Variants in TSHZ3 observed in about 807,000 individuals in gnomAD.
TSHZ3 encodes the protein teashirt zinc finger homeobox 3.
TSHZ3 carries 10 observed loss-of-function variants against 64.5 expected under a neutral mutation model. The observed-to-expected ratio is 0.16, with a 90% CI of 0.10 to 0.26. The LOEUF is 0.26. Ranked by LOEUF, TSHZ3 falls within the 10% of genes least tolerant of loss-of-function variation. The pLI is 1.00. For missense variants in TSHZ3, 1,242 were observed against 1,421.7 expected, an observed-to-expected ratio of 0.87 and a Z score of 2.03; for synonymous variants, 608 against 593.1, an observed-to-expected ratio of 1.03 and a Z score of -0.36.
At chr19:31,188,885 G>C (rs1404595717) in intron 5 of TSHZ3, among the ~76,000 whole-genome samples, 1 of 151,894 alleles carries the variant, frequency 6.6e-6, no homozygotes. Context: ...AAATTTGATA[G>C]AATTCAAAAG....
At chr19:31,256,046 G>A (rs1310605390) in intron 1 of TSHZ3, among the ~76,000 whole-genome samples, 1 of 152,144 alleles carries the variant, frequency 6.6e-6, no homozygotes, top group Non-Finnish European at 1.5e-5. Context: ...CCAAAACTGA[G>A]TGCATGGTCA....
At chr19:31,262,428 C>G (rs1310092357) in intron 1 of TSHZ3, among the ~76,000 whole-genome samples, 1 of 152,122 alleles carries the variant, frequency 6.6e-6, no homozygotes, top group Admixed American at 6.5e-5. Context: ...AGAGCTCCCC[C>G]CTCCCACTCC....
At position 31,279,186 on chromosome 19, in the gene TSHZ3, G is replaced by C; in HGVS notation, c.607C>G (p.Leu203Val). 1.9e-6 allele frequency: 3 copies of C among 1,613,870 alleles called. No homozygotes were observed. Among genetic ancestry groups the C allele is most frequent in the Non-Finnish European group, 2.5e-6 (3 of 1,179,774 alleles). Residue 203 changes from leucine to valine, a missense_variant, in exon 2 of 2, where the codon CTC (leucine) becomes GTC (valine). By Grantham distance (32) the Leu-to-Val change is conservative. Transcript: ENST00000240587. The surrounding 1 kb of genome is among the most constrained non-coding windows in gnomAD (Gnocchi z 6.4). ...TVQLYRQSSK[L>V]YGSIFTGASK... Reference sequence around the variant, plus strand: ...GCCCCCGTGAAGATGGAGCCATAGAGCTTGCTGCTCTGCCGGTACAGCTGC... The same window carrying C: ...GCCCCCGTGAAGATGGAGCCATAGACCTTGCTGCTCTGCCGGTACAGCTGC...
intron 1 of TSHZ3, among the ~76,000 whole-genome samples, chr19:31,250,049 C>CG (rs930570610): frequency 6.6e-6 from 1 of 152,230 alleles, no homozygotes; most frequent in Non-Finnish European, 1.5e-5. Flanking sequence ...CCAGGCTGCA[C>CG]GCGCCAGGCA....
chr19:31,273,566 T>C (rs1468298373), downstream of TSHZ3, among the ~76,000 whole-genome samples: 3 of 152,196 alleles, frequency 2.0e-5, no homozygotes, highest in Non-Finnish European at 4.4e-5. Context: ...GTCAGTTTAA[T>C]CTGTTAGATG....
intron 1 of TSHZ3, among the ~76,000 whole-genome samples, chr19:31,322,099 T>C (rs1387648541): frequency 1.3e-5 from 2 of 152,202 alleles, no homozygotes; most frequent in African/African-American, 4.8e-5. Flanking sequence ...TCTGTTCTTG[T>C]GTTAGTTTGC....
intron 1 of TSHZ3, among the ~76,000 whole-genome samples, chr19:31,250,023 C>A (rs928664909): frequency 1.3e-5 from 2 of 152,188 alleles, no homozygotes; most frequent in African/African-American, 4.8e-5. Context: ...CTGAGCTGTT[C>A]CTGGTGCAAG....
At chr19:31,257,822 G>T (rs979457157) in intron 1 of TSHZ3, among the ~76,000 whole-genome samples, 2 of 152,214 alleles carry the variant, frequency 1.3e-5, no homozygotes, top group African/African-American at 4.8e-5. Flanking sequence ...GAGTCTGAGA[G>T]TTCTAAGTTG....
intron 5 of TSHZ3, among the ~76,000 whole-genome samples, chr19:31,203,796 T>TCCCTCTCTCCCTTCCTTTCTTTCTTCTC (rs1975121993): frequency 6.6e-6 from 1 of 151,962 alleles, no homozygotes; most frequent in East Asian, 1.9e-4. Context: ...CCTTTCTTCT[T>TCCCTCTCTCCCTTCCTTTCTTTCTTCTC]CCCTCTCTCC....
chr19:31,217,787 C>T (rs1055437719), intron 4 of TSHZ3, among the ~76,000 whole-genome samples: 1 of 152,220 alleles, frequency 6.6e-6, no homozygotes, highest in Non-Finnish European at 1.5e-5. Flanking sequence ...TGTCACTGCC[C>T]TGAAACTCCT....
intron 5 of TSHZ3, among the ~76,000 whole-genome samples, chr19:31,195,371 G>A (rs1458375102): frequency 6.6e-6 from 1 of 152,054 alleles, no homozygotes; most frequent in East Asian, 1.9e-4. Flanking sequence ...CTTACCTATA[G>A]AGAAGCAAAA....
chr19:31,322,643 C>T (rs1201624406), intron 1 of TSHZ3, among the ~76,000 whole-genome samples: 1 of 151,556 alleles, frequency 6.6e-6, no homozygotes, highest in Non-Finnish European at 1.5e-5. Flanking sequence ...TGGTCTCGAA[C>T]TGCTAGCCTC....
Position 31,279,162 on chromosome 19 carries a change from C to A in TSHZ3, c.631G>T (p.Ala211Ser). Residue 211 changes from alanine to serine, a missense_variant, in exon 2 of 2, where the codon GCC (alanine) becomes TCC (serine). By Grantham distance (99) the Ala-to-Ser change is moderately conservative. Around this residue, in one of 4 missense-constraint regions of TSHZ3, gnomAD observed 555 missense variants for 704.0 expected, o/e 0.79. Transcript: ENST00000240587. This position sits in a 1 kb window ranked among gnomAD's most constrained non-coding sequence, Gnocchi z 6.4. ...CAGTCCTTACAGCGGAACTTGCTGG[C>A]CCCCGTGAAGATGGAGCCATAGAGC... Reference protein sequence around the residue: ...SKLYGSIFTGASKFRCKDCSA... With the variant: ...SKLYGSIFTGSSKFRCKDCSA... The A allele has an allele frequency of 6.2e-7, 1 of 1,612,820 alleles. No individual in the cohort carries two copies. Among genetic ancestry groups the A allele is most frequent in the South Asian group, 1.1e-5 (1 of 91,054 alleles).
chr19:31,234,935 A>G (rs1207700326), intron 3 of TSHZ3, among the ~76,000 whole-genome samples: 1 of 152,146 alleles, frequency 6.6e-6, no homozygotes, highest in Non-Finnish European at 1.5e-5. Flanking sequence ...TATTGATGTT[A>G]TTTCTTTTGT....
chr19:31,298,612 G>T (rs921504131), intron 1 of TSHZ3, among the ~76,000 whole-genome samples: 5 of 152,120 alleles, frequency 3.3e-5, no homozygotes, highest in African/African-American at 1.2e-4. Flanking sequence ...GGCCCATTTT[G>T]TGGGGCCTTG....
chr19:31,214,610 T>G (rs1975301851), intron 4 of TSHZ3, among the ~76,000 whole-genome samples: 1 of 152,146 alleles, frequency 6.6e-6, no homozygotes, highest in Admixed American at 6.5e-5. Context: ...AAGACCTATT[T>G]CCTAAAGAAT....
chr19:31,241,237 G>C (rs970991054), intron 3 of TSHZ3, among the ~76,000 whole-genome samples: 1 of 152,136 alleles, frequency 6.6e-6, no homozygotes, highest in African/African-American at 2.4e-5. Context: ...TAAATGGAAA[G>C]TCCAAGGTAT....
chr19:31,341,912 C>G (rs982094751), intron 1 of TSHZ3, among the ~76,000 whole-genome samples: 4 of 152,164 alleles, frequency 2.6e-5, no homozygotes. Flanking sequence ...GCTTGGAGAT[C>G]CCTCCAAACC....
intron 5 of TSHZ3, among the ~76,000 whole-genome samples, chr19:31,179,752 G>GTGGGGGTGATGATAA (rs1974676780): frequency 6.6e-6 from 1 of 151,080 alleles, no homozygotes; most frequent in Non-Finnish European, 1.5e-5. Flanking sequence ...GGTGGTGATG[G>GTGGGGGTGATGATAA]TGGTGGTGAT....
Sources: allele counts gnomAD v4.1 joint callset (sites outside exome capture counted in the v4.1 genomes callset), GRCh38; gene constraint gnomAD v4.1.1; regional missense constraint gnomAD v4.1.1; non-coding constraint Gnocchi (gnomAD v3.1); transcripts MANE v1.5; gene names NCBI Gene and HGNC (gene_info 2026-07-23, HGNC 2026-07-21).